The following RAPGEF2 variants were observed in gnomAD, a reference collection of about 807,000 sequenced individuals.
RAPGEF2 encodes the protein Rap guanine nucleotide exchange factor 2.
Under a neutral mutation model 186.7 loss-of-function variants are expected in RAPGEF2, and 54 were observed. The observed-to-expected ratio is 0.29, with a 90% CI of 0.23 to 0.36. The LOEUF is 0.36. Ranked by LOEUF, RAPGEF2 falls within the 10% of genes least tolerant of loss-of-function variation. The pLI, the probability that RAPGEF2 is intolerant of heterozygous loss-of-function variation, is 1.00. For synonymous variants in RAPGEF2, 712 were observed against 705.9 expected (o/e 1.01, Z -0.14); for missense variants, 1,532 against 2,045.0 (o/e 0.75, Z 4.84).
intron 4 of RAPGEF2, among the ~76,000 whole-genome samples, chr4:159,226,787 G>T (rs546469090): frequency 5.9e-5 from 9 of 152,118 alleles, no homozygotes; most frequent in Non-Finnish European, 1.0e-4. Context: ...TGAAACAGAG[G>T]TTAAGCAATA....
intron 1 of RAPGEF2, among the ~76,000 whole-genome samples, chr4:159,108,449 A>G (rs1399859577): frequency 6.6e-6 from 1 of 150,722 alleles, no homozygotes; most frequent in Non-Finnish European, 1.5e-5. Flanking sequence ...AAGAAGGAAC[A>G]TAAAATAAAA....
chr4:159,239,409 A>G (rs1161278386), intron 5 of RAPGEF2, among the ~76,000 whole-genome samples: 2 of 152,326 alleles, frequency 1.3e-5, no homozygotes, highest in South Asian at 2.1e-4. Flanking sequence ...TTTAAACAAC[A>G]CTATTTTAAA....
At chr4:159,304,619 A>T (rs1579855230) in intron 8 of RAPGEF2, 146 bp downstream of exon 8, 1 of 743,924 alleles carries the variant, frequency 1.3e-6, no homozygotes, top group Non-Finnish European at 2.0e-6. Context: ...TTTATTTCGT[A>T]TATGTTATTT....
intron 4 of RAPGEF2, among the ~76,000 whole-genome samples, chr4:159,219,342 G>C (rs958849880): frequency 7.6e-6 from 1 of 132,248 alleles, no homozygotes; most frequent in African/African-American, 2.9e-5. Flanking sequence ...TGTCCCAACT[G>C]TATCCTTTTT....
chr4:159,201,041 T>C (rs1749350925), intron 3 of RAPGEF2, among the ~76,000 whole-genome samples: 1 of 152,250 alleles, frequency 6.6e-6, no homozygotes, highest in South Asian at 2.1e-4. Flanking sequence ...CTTCATGTTT[T>C]AGTACATGCA....
At chr4:159,357,279 T>G (rs1363041062) in intron 29 of RAPGEF2, among the ~76,000 whole-genome samples, 1 of 152,216 alleles carries the variant, frequency 6.6e-6, no homozygotes, top group Admixed American at 6.5e-5. Context: ...AAGGATCACT[T>G]GAGCCCAGGA....
chr4:159,266,204 G>C (rs766644340), intron 7 of RAPGEF2, among the ~76,000 whole-genome samples: 8 of 152,072 alleles, frequency 5.3e-5, no homozygotes, highest in Non-Finnish European at 8.8e-5. Flanking sequence ...GGGGGATGGG[G>C]AGAAGGATCC....
chr4:159,310,658 T>C (rs1290717571), intron 8 of RAPGEF2, among the ~76,000 whole-genome samples: 1 of 152,114 alleles, frequency 6.6e-6, no homozygotes, highest in African/African-American at 2.4e-5. Flanking sequence ...TATTTAAATA[T>C]TAATGGACAA....
intron 17 of RAPGEF2, among the ~76,000 whole-genome samples, chr4:159,337,910 A>AAAAAAAAAAAAAAAAG (rs1767681602): frequency 7.0e-6 from 1 of 143,108 alleles, no homozygotes; most frequent in Admixed American, 6.9e-5. Flanking sequence ...AAAAAAAAAA[A>AAAAAAAAAAAAAAAAG]AAAGAAAGAA....
chr4:159,252,832 A>G (rs1368102935), intron 7 of RAPGEF2, among the ~76,000 whole-genome samples: 2 of 152,230 alleles, frequency 1.3e-5, no homozygotes, highest in African/African-American at 4.8e-5. Flanking sequence ...TTTGGCTCTA[A>G]TGAGCTTTTG....
intron 1 of RAPGEF2, among the ~76,000 whole-genome samples, chr4:159,163,683 T>C (rs1397586939): frequency 6.6e-6 from 1 of 152,244 alleles, no homozygotes; most frequent in East Asian, 1.9e-4. Context: ...AAATCACTTT[T>C]TCTAGTGTAC....
At chr4:159,275,054 CGTGTGTGTGTGTGTGTGTGTGTGT>C (rs35461332) in intron 7 of RAPGEF2, among the ~76,000 whole-genome samples, 3 of 143,868 alleles carry the variant, frequency 2.1e-5, no homozygotes, top group South Asian at 2.3e-4. Flanking sequence ...CTCTGTCTCT[CGTGTGTGTGTGTGTGTGTGTGTGT>C]GTGTGTGTGT....
At chr4:159,206,444 G>T (rs1749999793) in intron 3 of RAPGEF2, among the ~76,000 whole-genome samples, 1 of 152,166 alleles carries the variant, frequency 6.6e-6, no homozygotes, top group South Asian at 2.1e-4. Context: ...CAGCTTCATT[G>T]CCTGGAAGTG....
chr4:159,313,546 C>T (rs1376265929), intron 8 of RAPGEF2, among the ~76,000 whole-genome samples: 3 of 149,540 alleles, frequency 2.0e-5, no homozygotes, highest in East Asian at 3.9e-4. Context: ...ATATTTTTAT[C>T]TTTCTTTTAA....
At position 159,103,160 on chromosome 4, in the gene RAPGEF2, ACT is replaced by A. The variant is rs1159207017; in HGVS notation, c.-997_-996del. 2.0e-5 allele frequency: 3 copies of A among 150,690 alleles called. No homozygotes were observed. Among genetic ancestry groups the A allele is most frequent in the African/African-American group, 7.3e-5 (3 of 41,000 alleles). 9.3% of individuals were successfully genotyped at this position (150,690 alleles called of 1,614,324 possible). On this transcript the variant is annotated 5_prime_UTR_variant, in exon 1 of 30. Coordinates refer to ENST00000691494, the MANE Select transcript of RAPGEF2 (RefSeq NM_001394067.2). ...GGAGGGGAATCGCCGCTTCCCAAAC[ACT>A]CTCTCCGAGGGGGCTGTGCGCGGCT...
At chr4:159,339,399 A>G in intron 19 of RAPGEF2, 45 bp downstream of exon 19, 1 of 1,580,658 alleles carries the variant, frequency 6.3e-7, no homozygotes, top group Non-Finnish European at 8.6e-7. Flanking sequence ...CCCTCTTCGA[A>G]CCCACATCAA....
intron 1 of RAPGEF2, among the ~76,000 whole-genome samples, chr4:159,136,627 A>G (rs1741752652): frequency 6.6e-6 from 1 of 152,236 alleles, no homozygotes; most frequent in Non-Finnish European, 1.5e-5. Context: ...GTGAATGCCT[A>G]GCACACTGCT....
intron 25 of RAPGEF2, among the ~76,000 whole-genome samples, chr4:159,348,242 A>AGATAGATAGATGGATG (rs544061786): frequency 3.4e-5 from 5 of 145,068 alleles, no homozygotes; most frequent in African/African-American, 8.3e-5. Context: ...ATAGATAGAT[A>AGATAGATAGATGGATG]GATGGATGGA....
chr4:159,331,394 TA>T (rs1436021871), intron 13 of RAPGEF2, 36 bp from the exon 14 acceptor site: 3 of 1,396,674 alleles, frequency 2.1e-6, no homozygotes, highest in Non-Finnish European at 3.0e-6. Flanking sequence ...TTTTTGGCAC[TA>T]AAAAGGAAAC....
Sources: allele counts gnomAD v4.1 joint callset (sites outside exome capture counted in the v4.1 genomes callset), GRCh38; gene constraint gnomAD v4.1.1; transcripts MANE v1.5; gene names NCBI Gene and HGNC (gene_info 2026-07-23, HGNC 2026-07-21).